Variants in FGFR3 observed in about 807,000 individuals in gnomAD.
The protein encoded by FGFR3 is FGFR-3.
Under a neutral mutation model 82.9 loss-of-function variants are expected in FGFR3, and 25 were observed. The ratio of observed to expected loss-of-function variants is 0.30; its 90% CI spans 0.22 to 0.42. FGFR3 has a LOEUF of 0.42. Among genes scored for constraint, FGFR3 ranks in the 10% least tolerant of loss-of-function variants. FGFR3 has a pLI of 1.00. For missense variants in FGFR3, 1,026 were observed against 1,161.0 expected (o/e 0.88, Z 1.69); for synonymous variants, 620 against 516.0 (o/e 1.20, Z -2.73).
At position 1,808,237 on chromosome 4, in the gene FGFR3, G is replaced by C. The variant is rs1336160185; in HGVS notation, c.*975G>C. 2 of 232,680 alleles carry C rather than the reference G, an allele frequency of 8.6e-6. No homozygotes were observed. Among genetic ancestry groups the C allele is most frequent in the African/African-American group, 4.4e-5 (2 of 45,258 alleles). The allele number at this position is 232,680 out of a possible 1,614,324, so 14.4% of individuals were successfully genotyped here. On this transcript the variant is annotated 3_prime_UTR_variant, in exon 18 of 18. Coordinates refer to ENST00000440486, the MANE Select transcript of FGFR3 (RefSeq NM_000142.5). ...CGAGAAGGTTTATCCCGCCGATAGAGGGACGGCCAAGAATGTACGTCCAGC... is the reference window on the plus strand; with the variant it reads ...CGAGAAGGTTTATCCCGCCGATAGACGGACGGCCAAGAATGTACGTCCAGC...
chr4:1,794,310 C>T (rs1398101294), intron 2 of FGFR3, among the ~76,000 whole-genome samples: 1 of 152,204 alleles, frequency 6.6e-6, no homozygotes, highest in Non-Finnish European at 1.5e-5. Flanking sequence ...CGATCCCCTG[C>T]GACTCCCTAG....
rs534998573 is a variant in FGFR3, at chr4:1,797,284, T to C, written c.110-1970T>C. ...CCCAGTGGGAGTCAGACCCTGAACT[T>C]ATAGCACCCACTCATGCCCCGTGTC... On this transcript the variant is annotated intron_variant, in intron 2 of 17. Coordinates refer to ENST00000440486, the MANE Select transcript of FGFR3 (RefSeq NM_000142.5). Among the ~76,000 whole-genome samples the C allele has an allele frequency of 3.9e-5, 6 of 152,178 alleles. No individual in the cohort carries two copies. In the East Asian group the frequency reaches 9.7e-4, roughly 25 times the overall value.
chr4:1,795,534 T>A (rs1720403134), intron 2 of FGFR3, among the ~76,000 whole-genome samples: 1 of 151,816 alleles, frequency 6.6e-6, no homozygotes, highest in Non-Finnish European at 1.5e-5. Flanking sequence ...GGCCGGGCAG[T>A]AAAAATACAA....
intron 4 of FGFR3, among the ~76,000 whole-genome samples, chr4:1,800,949 A>G (rs912609576): frequency 6.6e-6 from 1 of 152,132 alleles, no homozygotes; most frequent in South Asian, 2.1e-4. Flanking sequence ...AGCTGCCTCC[A>G]AGGCTCCTGG....
chr4:1,795,577 G>T (rs1385695598), intron 2 of FGFR3, among the ~76,000 whole-genome samples: 1 of 152,240 alleles, frequency 6.6e-6, no homozygotes, highest in African/African-American at 2.4e-5. Flanking sequence ...GTCTAGGCTG[G>T]CGCTTGCCCG....
chr4:1,807,054 C>A, intron 17 of FGFR3, 62 bp from the exon 18 acceptor site: 1 of 1,552,424 alleles, frequency 6.4e-7, no homozygotes, highest in Non-Finnish European at 8.7e-7. Context: ...AGCCTGGGCA[C>A]AGAGGTGGCT....
chr4:1,802,155 G>A (rs1021977353), intron 7 of FGFR3, 130 bp downstream of exon 7: 81 of 1,004,076 alleles, frequency 8.1e-5, no homozygotes, highest in Non-Finnish European at 1.1e-4. Context: ...AGCTGTGGGG[G>A]TGCTTGTGGG....
chr4:1,808,205 T>G lies in FGFR3; in HGVS notation c.*943T>G, dbSNP rs915218609. The G allele has an allele frequency of 2.0e-4, 47 of 232,690 alleles. No homozygotes were observed. The highest frequency in any genetic ancestry group is 9.7e-4 in the African/African-American group (44 of 45,292). 14.4% of individuals were successfully genotyped at this position (232,690 alleles called of 1,614,324 possible). ...CGGAGAGTTTTAATTTTTAACTTAT[T>G]GACAACCGAGAAGGTTTATCCCGCC... is the stretch of plus-strand genomic sequence containing the variant. On this transcript the variant is annotated 3_prime_UTR_variant, in exon 18 of 18. Coordinates refer to ENST00000440486, the MANE Select transcript of FGFR3 (RefSeq NM_000142.5).
rs776141775 is a variant in FGFR3, at chr4:1,803,070, G to A, written c.931-622G>A. On this transcript the variant is annotated intron_variant, in intron 7 of 17. Transcript: ENST00000440486. Reference sequence around the variant, plus strand: ...CGTTCACGGGCCCCGAGCAGGTAACGACTCTGTCCCATGCCGGCCGGCACA... The same window carrying A: ...CGTTCACGGGCCCCGAGCAGGTAACAACTCTGTCCCATGCCGGCCGGCACA... 4.2e-5 allele frequency: 66 copies of A among 1,577,492 alleles called. No individual in the cohort carries two copies. Among genetic ancestry groups the A allele is most frequent in the Non-Finnish European group, 5.2e-5 (60 of 1,162,706 alleles).
Position 1,804,867 on chromosome 4 carries a change from T to C in FGFR3, c.1310T>C (p.Leu437Pro). ...GCGTCCATGAGCTCCAACACACCACTGGTGCGCATCGCAAGGCTGTCCTCA... is the reference window on the plus strand; with the variant it reads ...GCGTCCATGAGCTCCAACACACCACCGGTGCGCATCGCAAGGCTGTCCTCA... ...SNASMSSNTP[L>P]VRIARLSSGE... is the part of the protein sequence containing the mutation. Residue 437 changes from leucine (L) to proline (P), a missense_variant, in exon 10 of 18, where the codon CTG (leucine) becomes CCG (proline). By Grantham distance (98) the Leu-to-Pro change is moderately conservative. Transcript: ENST00000440486. 1 of 1,549,996 alleles carries C rather than the reference T, an allele frequency of 6.5e-7. No individual in the cohort carries two copies. Among genetic ancestry groups the C allele is most frequent in the Non-Finnish European group, 8.7e-7 (1 of 1,146,912 alleles).
rs1720914018 is a variant in FGFR3 at position 1,799,353 on chromosome 4, G to A, written c.209G>A (p.Gly70Glu). The change falls in exon 3 of 18, where the codon GGG becomes GAG. Residue 70 changes from glycine (G) to glutamate (E), a missense_variant. By Grantham distance (98) the Gly-to-Glu change is moderately conservative. Coordinates refer to ENST00000440486, the MANE Select transcript of FGFR3 (RefSeq NM_000142.5). ...CCCCCGCCCGGGGGTGGTCCCATGG[G>A]GCCCACTGTCTGGGTCAAGGATGGC... Reference protein sequence around the residue: ...SCPPPGGGPMGPTVWVKDGTG... With the variant: ...SCPPPGGGPMEPTVWVKDGTG... 1.2e-6 allele frequency: 2 copies of A among 1,612,560 alleles called. No individual in the cohort carries two copies. Among genetic ancestry groups the A allele is most frequent in the Non-Finnish European group, 1.7e-6 (2 of 1,179,894 alleles).
Position 1,805,894 on chromosome 4 carries a change from G to C in FGFR3, c.1790G>C (p.Cys597Ser). ...CTCACCTTCAAGGACCTGGTGTCCT[G>C]TGCCTACCAGGTGGCCCGGGGCATG... ...EQLTFKDLVS[C>S]AYQVARGMEY... is the part of the protein sequence containing the mutation. The change falls in exon 13 of 18, where the codon TGT becomes TCT. Residue 597 changes from cysteine (C) to serine (S), a missense_variant. By Grantham distance (112) the Cys-to-Ser change is moderately radical. Coordinates refer to ENST00000440486, the MANE Select transcript of FGFR3 (RefSeq NM_000142.5). 1 of 1,612,408 alleles carries C rather than the reference G, an allele frequency of 6.2e-7. No individual in the cohort carries two copies. Among genetic ancestry groups the C allele is most frequent in the Non-Finnish European group, 8.5e-7 (1 of 1,179,462 alleles).
At position 1,805,203 on chromosome 4, in the gene FGFR3, G is replaced by A. The variant is rs545412208; in HGVS notation, c.1413-152G>A. On this transcript the variant is annotated intron_variant, in intron 10 of 17. Transcript: ENST00000440486. ...CGGGAGGCTGTGGGTGACACTCTTC[G>A]TCCTTACGAGCAGGCTGTAGGGGGA... 43 of 1,445,466 alleles carry A rather than the reference G, an allele frequency of 3.0e-5. 1 individual carries two copies. In the Admixed American group the frequency reaches 3.0e-4, roughly 10 times the overall value. 89.5% of individuals were successfully genotyped at this position (1,445,466 alleles called of 1,614,324 possible). A position where few individuals can be genotyped will look rare whatever the true frequency, so the allele number is the denominator to read the frequency against.
chr4:1,806,742 G>C (rs1482534180), intron 16 of FGFR3, 59 bp downstream of exon 16: 3 of 1,598,244 alleles, frequency 1.9e-6, no homozygotes. Flanking sequence ...CTCCGGGGCT[G>C]GGCGGGGGAG....
intron 2 of FGFR3, among the ~76,000 whole-genome samples, chr4:1,795,182 C>T (rs923521834): frequency 1.3e-5 from 2 of 152,072 alleles, no homozygotes; most frequent in African/African-American, 2.4e-5. Flanking sequence ...GTGACAGGGG[C>T]CGTCGGGAGG....
At chr4:1,796,772 C>T (rs1720564273) in intron 2 of FGFR3, among the ~76,000 whole-genome samples, 2 of 152,196 alleles carry the variant, frequency 1.3e-5, no homozygotes, top group African/African-American at 2.4e-5. Flanking sequence ...GGGCCAGAGA[C>T]CCAGGGCAGG....
intron 4 of FGFR3, among the ~76,000 whole-genome samples, chr4:1,801,026 G>T (rs1721108529): frequency 6.6e-6 from 1 of 152,200 alleles, no homozygotes; most frequent in African/African-American, 2.4e-5. Flanking sequence ...CACTAGATGG[G>T]CCTGCCCCCT....
At chr4:1,802,136 G>C (rs1721272928) in intron 7 of FGFR3, 111 bp downstream of exon 7, 1 of 1,188,318 alleles carries the variant, frequency 8.4e-7, no homozygotes, top group African/African-American at 1.5e-5. Flanking sequence ...TTGGAGCTTC[G>C]GGGGCAGAAG....
In FGFR3 at chr4:1,807,270, CTGGTCCCCAACAATGTGAG is replaced by C. The variant is rs1334659450; in HGVS notation, c.*9_*27del. 1.9e-6 allele frequency: 3 copies of C among 1,591,772 alleles called. No individual in the cohort carries two copies. ...GGGGGCTCGCGGACGTGAAGGGCCA[CTGGTCCCCAACAATGTGAG>C]GGGTCCCTAGCAGCCCACCCTGCTG... On this transcript the variant is annotated 3_prime_UTR_variant, in exon 18 of 18. Transcript: ENST00000440486.
Sources: allele counts gnomAD v4.1 joint callset (sites outside exome capture counted in the v4.1 genomes callset), GRCh38; gene constraint gnomAD v4.1.1; transcripts MANE v1.5; gene names NCBI Gene and HGNC (gene_info 2026-07-23, HGNC 2026-07-21).